The following ADCY3 variants were observed in gnomAD, a reference collection of about 807,000 sequenced individuals.
The protein encoded by ADCY3 is adenylate cyclase 3, also known as adenylate cyclase type 3.
Under a neutral mutation model 119.4 loss-of-function variants are expected in ADCY3, and 70 were observed. The ratio of observed to expected loss-of-function variants is 0.59; its 90% CI spans 0.48 to 0.72. The LOEUF (loss-of-function observed/expected upper bound fraction) is 0.72. ADCY3 is among the 30% of genes least tolerant of loss of function. The pLI is 0.00. For synonymous variants in ADCY3, 672 were observed against 621.4 expected (o/e 1.08, Z -1.21); for missense variants, 1,238 against 1,541.6 (o/e 0.80, Z 3.30).
intron 2 of ADCY3, among the ~76,000 whole-genome samples, chr2:24,915,171 A>C (rs6737082): frequency 0.55 from 83,664 of 152,000 alleles, 25,153 homozygotes; most frequent in African/African-American, 0.81. Context: ...ACTCACAAGA[A>C]CCCAGAAATC....
At chr2:24,893,254 C>T (rs1354803122) in intron 2 of ADCY3, among the ~76,000 whole-genome samples, 2 of 151,992 alleles carry the variant, frequency 1.3e-5, no homozygotes, top group Admixed American at 6.6e-5. Context: ...GCCTGTAGTC[C>T]CAGCTACTTG....
chr2:24,835,330 C>T (rs775225538), intron 9 of ADCY3, among the ~76,000 whole-genome samples: 4 of 152,154 alleles, frequency 2.6e-5, no homozygotes, highest in Non-Finnish European at 4.4e-5. Context: ...AGCCTGGGGA[C>T]ATGAATGGCT....
In ADCY3 at chr2:24,819,835, A is replaced by T; in HGVS notation, c.*97T>A. 1.5e-6 allele frequency: 2 copies of T among 1,321,460 alleles called. No homozygotes were observed. The highest frequency in any genetic ancestry group is 2.1e-6 in the Non-Finnish European group (2 of 959,322). 81.9% of individuals were successfully genotyped at this position (1,321,460 alleles called of 1,614,324 possible). ...GAGGAGGTTTCTAAACCTAAAGTCC[A>T]TGAGTGTGCACTTCAATCCAGGAAG... On this transcript the variant is annotated 3_prime_UTR_variant, in exon 22 of 22. Transcript: ENST00000679454.
At chr2:24,904,147 G>A (rs74359599) in intron 2 of ADCY3, among the ~76,000 whole-genome samples, 11 of 106,356 alleles carry the variant, frequency 1.0e-4, no homozygotes, top group African/African-American at 4.6e-4. Flanking sequence ...CAGAGAGAGA[G>A]AGAAAGAAAG....
In ADCY3 at chr2:24,838,483, C is replaced by A; in HGVS notation, c.1495G>T (p.Val499Leu). The change falls in exon 8 of 22, where the codon GTG (valine) becomes TTG (leucine). Residue 499 changes from valine to leucine, a missense_variant. Around this residue, in one of 7 missense-constraint regions of ADCY3, gnomAD observed 283 missense variants for 437.2 expected, o/e 0.65. Coordinates refer to ENST00000679454, the MANE Select transcript of ADCY3 (RefSeq NM_004036.5). ...TYLIIASKPE[V>L]KKTATQNGLN... ...CCATTCTGGGTGGCTGTTTTCTTCA[C>A]CTCTGGCTTGGAGGCAATGATGAGG... The A allele has an allele frequency of 6.2e-7, 1 of 1,613,948 alleles. No homozygotes were observed. The highest frequency in any genetic ancestry group is 8.5e-7 in the Non-Finnish European group (1 of 1,180,038).
chr2:24,893,224 G>A (rs1010514697), intron 2 of ADCY3, among the ~76,000 whole-genome samples: 4 of 151,958 alleles, frequency 2.6e-5, no homozygotes, highest in African/African-American at 7.2e-5. Context: ...TTTTTGTAGA[G>A]GACAGATGTG....
intron 3 of ADCY3, among the ~76,000 whole-genome samples, chr2:24,866,564 CAAAAAAAAA>C: frequency 2.1e-5 from 1 of 46,548 alleles, no homozygotes; most frequent in Non-Finnish European, 3.7e-5. Flanking sequence ...GACCCTGTCT[CAAAAAAAAA>C]AAAAAAAAAA....
chr2:24,840,384 G>A (rs1670856519), intron 6 of ADCY3: 3 of 409,552 alleles, frequency 7.3e-6, no homozygotes, highest in Non-Finnish European at 9.7e-6. Context: ...AGACACAGAG[G>A]TGAAGAAAAT....
Position 24,853,050 on chromosome 2 carries a change from G to A in ADCY3, c.826-10666C>T, listed in dbSNP as rs892821006. Among the ~76,000 whole-genome samples the A allele has an allele frequency of 6.1e-3, 747 of 122,922 alleles. 7 individuals carry two copies. The highest frequency in any genetic ancestry group is 0.012 in the Middle Eastern group (3 of 260). The allele number at this position is 122,922 out of a possible 152,430, so 80.6% of individuals were successfully genotyped here. On this transcript the variant is annotated intron_variant, in intron 3 of 21. Coordinates refer to ENST00000679454, the MANE Select transcript of ADCY3 (RefSeq NM_004036.5). Reference sequence around the variant, plus strand: ...TGTGTGTGTGTGTGTGTGTGTGTGTGTGTGTGTGTGTGTGTGTAGGGGTGT... The same window carrying A: ...TGTGTGTGTGTGTGTGTGTGTGTGTATGTGTGTGTGTGTGTGTAGGGGTGT...
In ADCY3 at chr2:24,883,068, G is replaced by A. The variant is rs545122831; in HGVS notation, c.676-10349C>T. On this transcript the variant is annotated intron_variant, in intron 2 of 21. Transcript: ENST00000679454. Reference sequence around the variant, plus strand: ...GAGTGAGACCCTGTCTCAAAAAAAGGGCCAGGCGCGGTGGCTCAAGCCTGT... The same window carrying A: ...GAGTGAGACCCTGTCTCAAAAAAAGAGCCAGGCGCGGTGGCTCAAGCCTGT... Among the ~76,000 whole-genome samples, 9 of 151,310 alleles carry A rather than the reference G, an allele frequency of 5.9e-5. No individual in the cohort carries two copies. In the South Asian group the frequency reaches 1.9e-3, roughly 32 times the overall value.
intron 2 of ADCY3, among the ~76,000 whole-genome samples, chr2:24,884,812 C>T (rs1467459247): frequency 6.8e-6 from 1 of 147,562 alleles, no homozygotes; most frequent in Non-Finnish European, 1.5e-5. Context: ...CCTGGTTCAC[C>T]CTCACCCTGA....
intron 2 of ADCY3, among the ~76,000 whole-genome samples, chr2:24,886,579 C>A (rs559478134): frequency 6.6e-6 from 1 of 152,328 alleles, no homozygotes; most frequent in South Asian, 2.1e-4. Context: ...CACAGAAACT[C>A]TGAAGCTCAG....
intron 2 of ADCY3, among the ~76,000 whole-genome samples, chr2:24,890,026 A>T (rs1461385836): frequency 1.3e-5 from 2 of 152,192 alleles, no homozygotes; most frequent in African/African-American, 4.8e-5. Context: ...GAGAGGTATT[A>T]TCTGAATGGA....
At chr2:24,831,510 A>C in intron 12 of ADCY3, 152 bp downstream of exon 12, 1 of 673,718 alleles carries the variant, frequency 1.5e-6, no homozygotes, top group Non-Finnish European at 2.7e-6. Flanking sequence ...CTGATGGTGA[A>C]TGAATGGATG....
rs1385605515 is a variant in ADCY3 at position 24,878,742 on chromosome 2, C to T, written c.676-6023G>A. On this transcript the variant is annotated intron_variant, in intron 2 of 21. Transcript: ENST00000679454. This position sits in a 1 kb window ranked among gnomAD's most constrained non-coding sequence, Gnocchi z 4.0. ...GCCGCCACTCAGCACAGATGGGTCCCACTTCTGGGGCCACTCTCGCTGCAG... is the reference window on the plus strand; with the variant it reads ...GCCGCCACTCAGCACAGATGGGTCCTACTTCTGGGGCCACTCTCGCTGCAG... Among the ~76,000 whole-genome samples the T allele has an allele frequency of 1.3e-5, 2 of 152,194 alleles. No homozygotes were observed. Among genetic ancestry groups the T allele is most frequent in the Non-Finnish European group, 2.9e-5 (2 of 68,036 alleles).
chr2:24,880,600 G>C (rs1676268219), intron 2 of ADCY3, among the ~76,000 whole-genome samples: 1 of 152,244 alleles, frequency 6.6e-6, no homozygotes, highest in Non-Finnish European at 1.5e-5. Flanking sequence ...GAGCTCAAAA[G>C]AGAATAAAAG....
At chr2:24,827,811 C>T in intron 14 of ADCY3, 91 bp downstream of exon 14, 2 of 1,569,224 alleles carry the variant, frequency 1.3e-6, no homozygotes, top group East Asian at 4.5e-5. Context: ...TGGCAGAAAG[C>T]CACCTCAGCA....
At chr2:24,854,047 C>T (rs1424128186) in intron 3 of ADCY3, among the ~76,000 whole-genome samples, 1 of 152,180 alleles carries the variant, frequency 6.6e-6, no homozygotes, top group Non-Finnish European at 1.5e-5. Context: ...GACACAGAGG[C>T]CACTTCTCCC....
Position 24,820,760 on chromosome 2 carries a change from G to C in ADCY3, c.3216C>G (p.Ser1072Arg). 1.2e-6 allele frequency: 2 copies of C among 1,614,068 alleles called. No homozygotes were observed. The highest frequency in any genetic ancestry group is 1.7e-6 in the Non-Finnish European group (2 of 1,179,992). The change falls in exon 21 of 22, where the codon AGC becomes AGG. Residue 1072 changes from serine (S) to arginine (R), a missense_variant. Coordinates refer to ENST00000679454, the MANE Select transcript of ADCY3 (RefSeq NM_004036.5). Reference protein sequence around the residue: ...DIWGNTVNVASRMESTGVMGN... With the variant: ...DIWGNTVNVARRMESTGVMGN... Reference sequence around the variant, plus strand: ...CCATGACCCCCGTGGACTCCATCCTGCTGGCTACATTGACTGTATTGCCCC... The same window carrying C: ...CCATGACCCCCGTGGACTCCATCCTCCTGGCTACATTGACTGTATTGCCCC...
Sources: allele counts gnomAD v4.1 joint callset (sites outside exome capture counted in the v4.1 genomes callset), GRCh38; gene constraint gnomAD v4.1.1; regional missense constraint gnomAD v4.1.1; non-coding constraint Gnocchi (gnomAD v3.1); transcripts MANE v1.5; gene names NCBI Gene and HGNC (gene_info 2026-07-23, HGNC 2026-07-21).